Variants in KIAA1549L observed in about 807,000 individuals in gnomAD.
The protein encoded by KIAA1549L is UPF0606 protein KIAA1549L.
KIAA1549L carries 88 observed loss-of-function variants against 160.7 expected under a neutral mutation model. That is an observed-to-expected ratio of 0.55 (90% CI 0.46 to 0.65). The LOEUF (loss-of-function observed/expected upper bound fraction) is 0.65, where lower values mean the gene tolerates loss of function less well. Among genes scored for constraint, KIAA1549L ranks in the 30% least tolerant of loss-of-function variants. The pLI, the probability that KIAA1549L is intolerant of heterozygous loss-of-function variation, is 0.00. For synonymous variants in KIAA1549L, 950 were observed against 976.7 expected, an observed-to-expected ratio of 0.97 and a Z score of 0.51; for missense variants, 2,258 against 2,437.5, an observed-to-expected ratio of 0.93 and a Z score of 1.55.
chr11:33,493,694 C>G (rs1427121487), intron 1 of KIAA1549L, among the ~76,000 whole-genome samples: 1 of 152,218 alleles, frequency 6.6e-6, no homozygotes, highest in Non-Finnish European at 1.5e-5. Context: ...CTCCTAAGAG[C>G]ACGTCATTCT....
chr11:33,465,502 G>A (rs953104936), intron 1 of KIAA1549L, among the ~76,000 whole-genome samples: 3 of 152,142 alleles, frequency 2.0e-5, no homozygotes, highest in African/African-American at 7.2e-5. Context: ...ACAGCCTCCT[G>A]TAGATCTGCC....
chr11:33,445,737 G>A (rs1311173158), intron 1 of KIAA1549L, among the ~76,000 whole-genome samples: 4 of 152,208 alleles, frequency 2.6e-5, no homozygotes, highest in African/African-American at 7.2e-5. Flanking sequence ...GGGGACAGTA[G>A]TGCCTGTTTC....
intron 5 of KIAA1549L, 96 bp from the exon 6 acceptor site, chr11:33,552,012 T>C: frequency 2.9e-6 from 4 of 1,389,038 alleles, no homozygotes; most frequent in Non-Finnish European, 3.9e-6. Flanking sequence ...ATTCCTCTCA[T>C]CTAAAATCGT....
At position 33,545,238 on chromosome 11, in the gene KIAA1549L, T is replaced by G. The variant is rs773649484; in HGVS notation, c.3245T>G (p.Val1082Gly). 1 of 1,613,850 alleles carries G rather than the reference T, an allele frequency of 6.2e-7. No individual in the cohort carries two copies. The highest frequency in any genetic ancestry group is 1.3e-5 in the African/African-American group (1 of 74,918). Residue 1082 changes from valine (V) to glycine (G), a missense_variant, in exon 3 of 21, where the codon GTG (valine) becomes GGG (glycine). Physicochemically the swap from Val to Gly is moderately radical, Grantham distance 109. This residue lies in a region of KIAA1549L where 1,359 missense variants were observed against 1,546.6 expected (regional missense o/e 0.88). Coordinates refer to ENST00000658780, the MANE Select transcript of KIAA1549L (RefSeq NM_012194.3). ...TAALTSITAS[V>G]KATRLPPLRA... is the part of the protein sequence containing the mutation. ...GCGCTGACATCCATTACAGCCTCAGTGAAGGCCACCCGGTTGCCACCATTG... is the reference window on the plus strand; with the variant it reads ...GCGCTGACATCCATTACAGCCTCAGGGAAGGCCACCCGGTTGCCACCATTG...
intron 11 of KIAA1549L, among the ~76,000 whole-genome samples, chr11:33,584,920 G>A (rs1453504202): frequency 3.3e-5 from 5 of 152,212 alleles, no homozygotes; most frequent in Non-Finnish European, 7.3e-5. Context: ...ACATTCCAGA[G>A]CCATTGGAAT....
In KIAA1549L at chr11:33,547,764, T is replaced by C. The variant is rs1254316060; in HGVS notation, c.3386T>C (p.Val1129Ala). The change falls in exon 4 of 21, where the codon GTT becomes GCT. Residue 1129 changes from valine (V) to alanine (A), a missense_variant and splice_region_variant. Val to Ala is a moderately conservative substitution (Grantham distance 64). This residue lies in a region of KIAA1549L where 1,359 missense variants were observed against 1,546.6 expected (regional missense o/e 0.88). Coordinates refer to ENST00000658780, the MANE Select transcript of KIAA1549L (RefSeq NM_012194.3). ...GCCATGCTTCTATTTTACCCCACAG[T>C]TCTCTTTCTCACCCAAAGGAGAGTG... Reference protein sequence around the residue: ...QMSSKLLVKTVLFLTQRRVQI... With the variant: ...QMSSKLLVKTALFLTQRRVQI... 6.2e-7 allele frequency: 1 copy of C among 1,602,766 alleles called. No individual in the cohort carries two copies. Among genetic ancestry groups the C allele is most frequent in the East Asian group, 2.2e-5 (1 of 44,768 alleles).
intron 1 of KIAA1549L, among the ~76,000 whole-genome samples, chr11:33,427,540 T>A (rs1008308494): frequency 9.2e-5 from 14 of 152,168 alleles, no homozygotes; most frequent in Non-Finnish European, 1.5e-4. Flanking sequence ...CTCCTTCCTC[T>A]TTTTCAGCAA....
At chr11:33,660,318 CTG>C (rs1002889040) in intron 19 of KIAA1549L, among the ~76,000 whole-genome samples, 1 of 152,220 alleles carries the variant, frequency 6.6e-6, no homozygotes, top group African/African-American at 2.4e-5. Flanking sequence ...TGGCTCATGT[CTG>C]TAATCCCAAC....
At chr11:33,662,726 A>G (rs1486979750) in intron 20 of KIAA1549L, among the ~76,000 whole-genome samples, 1 of 152,162 alleles carries the variant, frequency 6.6e-6, no homozygotes, top group East Asian at 1.9e-4. Flanking sequence ...TGGTGAAAGT[A>G]TTTTCCAAAA....
At chr11:33,490,174 T>C (rs1041047023) in intron 1 of KIAA1549L, among the ~76,000 whole-genome samples, 6 of 152,126 alleles carry the variant, frequency 3.9e-5, no homozygotes, top group African/African-American at 1.4e-4. Flanking sequence ...TCTAGTCCCA[T>C]TTTGCTATTA....
chr11:33,468,173 C>G (rs979749342), intron 1 of KIAA1549L, among the ~76,000 whole-genome samples: 7 of 152,172 alleles, frequency 4.6e-5, no homozygotes, highest in South Asian at 2.1e-4. Context: ...TAAAACAAAT[C>G]GATTGGCAAG....
chr11:33,598,375 T>A (rs771371110), intron 12 of KIAA1549L, among the ~76,000 whole-genome samples: 1 of 152,124 alleles, frequency 6.6e-6, no homozygotes, highest in Non-Finnish European at 1.5e-5. Flanking sequence ...TGTTTTGTAG[T>A]CAAAGTCTAT....
At chr11:33,465,649 T>G (rs1852042120) in intron 1 of KIAA1549L, among the ~76,000 whole-genome samples, 1 of 152,090 alleles carries the variant, frequency 6.6e-6, no homozygotes. Flanking sequence ...AAAAGTATGG[T>G]TAACTAATGG....
At chr11:33,427,765 T>G (rs534460789) in intron 1 of KIAA1549L, among the ~76,000 whole-genome samples, 2 of 152,286 alleles carry the variant, frequency 1.3e-5, no homozygotes, top group East Asian at 3.9e-4. Context: ...ACCCCCTTAC[T>G]AGTTAAGTAG....
intron 11 of KIAA1549L, among the ~76,000 whole-genome samples, chr11:33,590,886 C>T (rs966615987): frequency 6.6e-6 from 1 of 152,172 alleles, no homozygotes; most frequent in Non-Finnish European, 1.5e-5. Flanking sequence ...ATCCACAGGA[C>T]CTGTTTAATG....
chr11:33,420,251 T>G (rs1341408393), intron 1 of KIAA1549L, among the ~76,000 whole-genome samples: 3 of 136,182 alleles, frequency 2.2e-5, no homozygotes, highest in Non-Finnish European at 4.7e-5. Context: ...TTTTTTTTTT[T>G]GAGACAGGAT....
At chr11:33,611,981 C>T (rs941730981) in intron 15 of KIAA1549L, among the ~76,000 whole-genome samples, 2 of 152,178 alleles carry the variant, frequency 1.3e-5, no homozygotes, top group African/African-American at 4.8e-5. Flanking sequence ...CTTTTGATGA[C>T]CTGCTAATGC....
intron 1 of KIAA1549L, among the ~76,000 whole-genome samples, chr11:33,524,100 A>G (rs1008037151): frequency 1.1e-4 from 16 of 152,344 alleles, no homozygotes; most frequent in African/African-American, 3.8e-4. Flanking sequence ...AGCTGAATAT[A>G]TCTGATCCTC....
At chr11:33,587,338 G>A (rs904457575) in intron 11 of KIAA1549L, among the ~76,000 whole-genome samples, 1 of 152,248 alleles carries the variant, frequency 6.6e-6, no homozygotes, top group African/African-American at 2.4e-5. Flanking sequence ...TGTCTAATGG[G>A]CAGTTGATTA....
Sources: allele counts gnomAD v4.1 joint callset (sites outside exome capture counted in the v4.1 genomes callset), GRCh38; gene constraint gnomAD v4.1.1; regional missense constraint gnomAD v4.1.1; transcripts MANE v1.5; gene names NCBI Gene and HGNC (gene_info 2026-07-23, HGNC 2026-07-21).